The following CCSER1 variants were observed in gnomAD, a reference collection of about 807,000 sequenced individuals.
CCSER1 encodes the protein serine-rich coiled-coil domain-containing protein 1.
A neutral mutation model predicts 82.0 loss-of-function variants in CCSER1; 41 were observed. That is an observed-to-expected ratio of 0.50 (90% CI 0.39 to 0.65). The LOEUF is 0.65. CCSER1 is among the 30% of genes least tolerant of loss of function. CCSER1 has a pLI of 0.00. For missense variants in CCSER1, 1,119 were observed against 1,064.2 expected (o/e 1.05, Z -0.72); for synonymous variants, 414 against 383.9 (o/e 1.08, Z -0.92).
intron 5 of CCSER1, among the ~76,000 whole-genome samples, chr4:90,593,012 G>A (rs1782891577): frequency 6.6e-6 from 1 of 152,020 alleles, no homozygotes; most frequent in Non-Finnish European, 1.5e-5. Context: ...ATTCCAGATA[G>A]CTATAATATA....
At chr4:91,033,723 T>G (rs1741186615) in intron 9 of CCSER1, among the ~76,000 whole-genome samples, 1 of 152,184 alleles carries the variant, frequency 6.6e-6, no homozygotes, top group Non-Finnish European at 1.5e-5. Flanking sequence ...GCTTACTTAC[T>G]ACGGACTCAG....
chr4:90,378,233 A>G (rs1748666665), intron 3 of CCSER1, among the ~76,000 whole-genome samples: 1 of 152,154 alleles, frequency 6.6e-6, no homozygotes, highest in Non-Finnish European at 1.5e-5. Flanking sequence ...CTCTGATAGA[A>G]CTAAAATCTA....
chr4:91,501,738 A>T (rs1759223264), intron 10 of CCSER1, among the ~76,000 whole-genome samples: 1 of 152,134 alleles, frequency 6.6e-6, no homozygotes, highest in Non-Finnish European at 1.5e-5. Flanking sequence ...TTAGATAACA[A>T]CATCAACAAG....
intron 10 of CCSER1, among the ~76,000 whole-genome samples, chr4:91,535,185 A>G (rs1230747949): frequency 6.6e-6 from 1 of 152,024 alleles, no homozygotes; most frequent in Non-Finnish European, 1.5e-5. Context: ...ATCTGAAATA[A>G]GTTATTGTAT....
chr4:90,354,852 C>T (rs1744134647), intron 3 of CCSER1, among the ~76,000 whole-genome samples: 1 of 151,912 alleles, frequency 6.6e-6, no homozygotes, highest in African/African-American at 2.4e-5. Flanking sequence ...TGCCATATTG[C>T]AAATGCGGGC....
chr4:90,343,658 A>G (rs1741821508), intron 3 of CCSER1, among the ~76,000 whole-genome samples: 1 of 152,164 alleles, frequency 6.6e-6, no homozygotes, highest in Non-Finnish European at 1.5e-5. Context: ...TATATTTTTT[A>G]GACTTGATGG....
intron 9 of CCSER1, among the ~76,000 whole-genome samples, chr4:90,945,106 A>AT (rs923340231): frequency 2.0e-5 from 3 of 152,018 alleles, no homozygotes; most frequent in African/African-American, 7.2e-5. Context: ...GTTTCCCTTC[A>AT]TTTTTTCACT....
intron 8 of CCSER1, among the ~76,000 whole-genome samples, chr4:90,833,792 G>A (rs1761438647): frequency 6.6e-6 from 1 of 152,116 alleles, no homozygotes; most frequent in South Asian, 2.1e-4. Flanking sequence ...ATGCAACTTT[G>A]TTGGGAGCTG....
intron 6 of CCSER1, among the ~76,000 whole-genome samples, chr4:90,648,285 G>A (rs376108073): frequency 7.3e-5 from 1 of 13,664 alleles, no homozygotes; most frequent in Non-Finnish European, 1.7e-4. Context: ...AGAAAGAAAG[G>A]AAAGAAAGAA....
At chr4:91,451,325 G>C (rs1755860314) in intron 10 of CCSER1, among the ~76,000 whole-genome samples, 2 of 151,974 alleles carry the variant, frequency 1.3e-5, no homozygotes, top group Non-Finnish European at 1.5e-5. Flanking sequence ...ATTAGTCCTA[G>C]AAGTAAAGGC....
chr4:90,602,546 T>C (rs1784150299), intron 5 of CCSER1, among the ~76,000 whole-genome samples: 1 of 152,142 alleles, frequency 6.6e-6, no homozygotes. Flanking sequence ...TGCATGGTAT[T>C]CTGTTATATT....
chr4:91,087,987 A>T (rs1723555547), intron 10 of CCSER1, among the ~76,000 whole-genome samples: 1 of 152,152 alleles, frequency 6.6e-6, no homozygotes, highest in Non-Finnish European at 1.5e-5. Context: ...GTAAACAAAG[A>T]GTACAATTAC....
At chr4:90,714,182 A>T (rs1227813349) in intron 6 of CCSER1, among the ~76,000 whole-genome samples, 19 of 151,868 alleles carry the variant, frequency 1.3e-4, no homozygotes, top group Non-Finnish European at 4.4e-5. Context: ...AATATCTAAA[A>T]ATATATATTT....
intron 8 of CCSER1, among the ~76,000 whole-genome samples, chr4:90,853,217 G>A (rs916231723): frequency 6.6e-6 from 1 of 152,142 alleles, no homozygotes; most frequent in African/African-American, 2.4e-5. Context: ...TATGGACAGA[G>A]CAGAGAATGA....
intron 5 of CCSER1, among the ~76,000 whole-genome samples, chr4:90,522,243 A>C (rs1773228804): frequency 6.6e-6 from 1 of 152,166 alleles, no homozygotes; most frequent in African/African-American, 2.4e-5. Flanking sequence ...TCTGAAGCTA[A>C]AAATTTCAAT....
At chr4:91,281,508 G>A (rs1331317234) in intron 10 of CCSER1, among the ~76,000 whole-genome samples, 1 of 152,218 alleles carries the variant, frequency 6.6e-6, no homozygotes, top group Non-Finnish European at 1.5e-5. Context: ...GTAGGTAACT[G>A]TAGGGGAGAA....
chr4:91,572,111 G>C (rs772251445), intron 10 of CCSER1, among the ~76,000 whole-genome samples: 14 of 152,166 alleles, frequency 9.2e-5, no homozygotes, highest in Non-Finnish European at 1.9e-4. Flanking sequence ...CACAGAGCTG[G>C]AGGATCTGCC....
chr4:90,737,059 A>T (rs1405110310), intron 7 of CCSER1, among the ~76,000 whole-genome samples: 1 of 152,114 alleles, frequency 6.6e-6, no homozygotes, highest in African/African-American at 2.4e-5. Context: ...TTTATATCTT[A>T]TACTAACTAT....
At chr4:91,313,924 G>A (rs1171674537) in intron 10 of CCSER1, among the ~76,000 whole-genome samples, 6 of 151,960 alleles carry the variant, frequency 3.9e-5, no homozygotes, top group Non-Finnish European at 7.4e-5. Flanking sequence ...TAAGTTTAAA[G>A]TGGTTGTGTA....
Sources: allele counts gnomAD v4.1 joint callset (sites outside exome capture counted in the v4.1 genomes callset), GRCh38; gene constraint gnomAD v4.1.1; transcripts MANE v1.5; gene names NCBI Gene and HGNC (gene_info 2026-07-23, HGNC 2026-07-21).